The following DNAAF4 variants were observed in gnomAD, a reference collection of about 807,000 sequenced individuals.
DNAAF4 encodes the protein dynein assembly factor 4, axonemal.
In DNAAF4, 43 loss-of-function variants were observed where a neutral mutation model predicts 51.8. The ratio of observed to expected loss-of-function variants is 0.83; its 90% CI spans 0.65 to 1.07. The LOEUF is 1.07. Ranked by LOEUF, DNAAF4 falls within the 50% of genes least tolerant of loss-of-function variation. The pLI, the probability that DNAAF4 is intolerant of heterozygous loss-of-function variation, is 0.00. For synonymous variants in DNAAF4, 194 were observed against 165.6 expected (o/e 1.17, Z -1.32); for missense variants, 581 against 493.0 (o/e 1.18, Z -1.69).
chr15:55,498,154 A>G lies in DNAAF4; in HGVS notation c.123+53T>C, dbSNP rs74475478. On this transcript the variant is annotated intron_variant, in intron 2 of 9. Coordinates refer to ENST00000321149, the MANE Select transcript of DNAAF4 (RefSeq NM_130810.4). ...TGCTCGTGCCCAGCTGCGCTCTTGC[A>G]GAAGCTTCGGACCACACCCCCGGAG... 0.061 allele frequency: 98,817 copies of G among 1,611,746 alleles called. 3,422 individuals carry two copies. The highest frequency in any genetic ancestry group is 0.069 in the Non-Finnish European group (81,947 of 1,179,442).
chr15:55,462,197 G>A (rs556497252), intron 5 of DNAAF4, among the ~76,000 whole-genome samples: 6 of 146,456 alleles, frequency 4.1e-5, no homozygotes, highest in Non-Finnish European at 7.6e-5. Flanking sequence ...TTCACAGCTG[G>A]TTTTTTTTTT....
chr15:55,443,380 G>A, intron 6 of DNAAF4: 1 of 664,362 alleles, frequency 1.5e-6, no homozygotes. Context: ...TGCAGGCCGT[G>A]GGGCCGCACT....
intron 5 of DNAAF4, among the ~76,000 whole-genome samples, chr15:55,458,427 T>C (rs940987989): frequency 6.6e-6 from 1 of 152,018 alleles, no homozygotes; most frequent in East Asian, 1.9e-4. Context: ...TTTGAACAAG[T>C]AGAAGAAATA....
intron 4 of DNAAF4, among the ~76,000 whole-genome samples, chr15:55,473,065 C>T (rs1323938407): frequency 1.3e-5 from 2 of 150,830 alleles, no homozygotes; most frequent in East Asian, 3.9e-4. Context: ...ATTCGGGAGG[C>T]TGAGGCATGA....
At chr15:55,504,373 T>C (rs1410599343) in intron 1 of DNAAF4, among the ~76,000 whole-genome samples, 1 of 152,098 alleles carries the variant, frequency 6.6e-6, no homozygotes, top group Non-Finnish European at 1.5e-5. Flanking sequence ...TTCAATGCTA[T>C]CCCCAACAAG....
intron 7 of DNAAF4, among the ~76,000 whole-genome samples, chr15:55,421,612 C>T (rs2057388691): frequency 6.6e-6 from 1 of 152,080 alleles, no homozygotes; most frequent in Admixed American, 6.6e-5. Context: ...ACTGGCTGGG[C>T]ATGGTGGCTC....
intron 6 of DNAAF4, among the ~76,000 whole-genome samples, chr15:55,448,918 A>T (rs2057886498): frequency 6.6e-6 from 1 of 151,442 alleles, no homozygotes. Flanking sequence ...TAATTATAGA[A>T]ATGTTACAAA....
At chr15:55,483,335 T>A (rs190079055) in intron 4 of DNAAF4, among the ~76,000 whole-genome samples, 2 of 151,670 alleles carry the variant, frequency 1.3e-5, no homozygotes, top group South Asian at 4.2e-4. Context: ...GACCTTGTGA[T>A]CCGCCCCCCT....
chr15:55,437,136 C>T (rs2057626027), intron 7 of DNAAF4, among the ~76,000 whole-genome samples: 1 of 152,110 alleles, frequency 6.6e-6, no homozygotes, highest in African/African-American at 2.4e-5. Context: ...TGTTCTTATC[C>T]ATGTTATTGT....
intron 4 of DNAAF4, among the ~76,000 whole-genome samples, chr15:55,477,803 A>G (rs1043978474): frequency 6.6e-6 from 1 of 151,772 alleles, no homozygotes; most frequent in African/African-American, 2.4e-5. Flanking sequence ...GGCAGCTCAC[A>G]CCTATAAATC....
At chr15:55,477,378 T>A (rs996147634) in intron 4 of DNAAF4, among the ~76,000 whole-genome samples, 7 of 152,220 alleles carry the variant, frequency 4.6e-5, no homozygotes, top group African/African-American at 1.7e-4. Context: ...TAAGATTTTT[T>A]AAGAAATAAT....
chr15:55,498,833 C>T (rs1319658697), intron 1 of DNAAF4, among the ~76,000 whole-genome samples: 1 of 151,188 alleles, frequency 6.6e-6, no homozygotes, highest in Non-Finnish European at 1.5e-5. Context: ...ATCGCTTGAA[C>T]CCGGGAGGCA....
intron 7 of DNAAF4, among the ~76,000 whole-genome samples, chr15:55,424,080 ACT>A (rs1290482607): frequency 6.6e-6 from 1 of 151,918 alleles, no homozygotes; most frequent in Non-Finnish European, 1.5e-5. Context: ...ACAAAGCAAG[ACT>A]CTGTCACACA....
intron 4 of DNAAF4, among the ~76,000 whole-genome samples, chr15:55,471,284 G>C (rs1043961287): frequency 6.6e-6 from 1 of 152,120 alleles, no homozygotes; most frequent in Non-Finnish European, 1.5e-5. Context: ...AGCCCATCAA[G>C]AGTTGCCTCA....
chr15:55,458,576 C>G (rs2058052128), intron 5 of DNAAF4, among the ~76,000 whole-genome samples: 1 of 152,062 alleles, frequency 6.6e-6, no homozygotes, highest in Non-Finnish European at 1.5e-5. Context: ...AATTGGTGCT[C>G]CTGAGGAAGA....
chr15:55,425,769 C>T (rs547783961), downstream of DNAAF4, among the ~76,000 whole-genome samples: 43 of 152,182 alleles, frequency 2.8e-4, 1 homozygote, highest in South Asian at 8.9e-3. Context: ...AGGACAGAAC[C>T]CTTTTGCTTG....
intron 4 of DNAAF4, among the ~76,000 whole-genome samples, chr15:55,481,858 C>A (rs964573108): frequency 2.7e-4 from 41 of 152,316 alleles, no homozygotes; most frequent in African/African-American, 8.9e-4. Context: ...AAAACCCCCT[C>A]TCTCCCCTAT....
At chr15:55,421,899 T>TATAATAATA (rs72198850) in intron 7 of DNAAF4, among the ~76,000 whole-genome samples, 46 of 139,664 alleles carry the variant, frequency 3.3e-4, no homozygotes, top group South Asian at 1.6e-3. Context: ...CAAAAAAATG[T>TATAATAATA]ATAATAATAA....
At chr15:55,445,933 C>G (rs2057796495) in intron 6 of DNAAF4, among the ~76,000 whole-genome samples, 1 of 138,712 alleles carries the variant, frequency 7.2e-6, no homozygotes, top group South Asian at 2.3e-4. Flanking sequence ...GGCGGCCGAG[C>G]AGAGGCGCTC....
Sources: gnomAD v4.1 joint callset for allele counts (sites outside exome capture counted in the v4.1 genomes callset) on GRCh38, gnomAD v4.1.1 for gene constraint, MANE v1.5 for transcripts, NCBI Gene and HGNC (gene_info 2026-07-23, HGNC 2026-07-21) for gene names.